Variants in GLE1 observed in about 807,000 individuals in gnomAD.
GLE1 encodes the protein GLE1 RNA export mediator.
Under a neutral mutation model 97.3 loss-of-function variants are expected in GLE1, and 78 were observed. The ratio of observed to expected loss-of-function variants is 0.80; its 90% CI spans 0.67 to 0.97. The LOEUF (loss-of-function observed/expected upper bound fraction) is 0.97, where lower values mean the gene tolerates loss of function less well. GLE1 is among the 50% of genes least tolerant of loss of function. The probability of loss-of-function intolerance (pLI) is 0.00; values close to 1 mark genes in which losing one functional copy is unlikely to be tolerated. For synonymous variants in GLE1, 302 were observed against 313.4 expected, an observed-to-expected ratio of 0.96 and a Z score of 0.39; for missense variants, 753 against 857.5, an observed-to-expected ratio of 0.88 and a Z score of 1.52.
chr9:128,525,480 A>G (rs1847276021), intron 7 of GLE1, 57 bp downstream of exon 7: 1 of 1,053,868 alleles, frequency 9.5e-7, no homozygotes, highest in Non-Finnish European at 1.4e-6. Context: ...GTGAAGAGAA[A>G]CAAGAGCATG....
At chr9:128,515,121 A>G (rs1295106021) in intron 2 of GLE1, among the ~76,000 whole-genome samples, 1 of 152,084 alleles carries the variant, frequency 6.6e-6, no homozygotes, top group Non-Finnish European at 1.5e-5. Context: ...ACCCGGCCTG[A>G]GGATAGAGTA....
chr9:128,523,180 A>G (rs1847202791), intron 4 of GLE1, 100 bp from the exon 5 acceptor site: 5 of 911,828 alleles, frequency 5.5e-6, no homozygotes, highest in Non-Finnish European at 9.2e-6. Flanking sequence ...GAAAAAGGGA[A>G]GGAAGGGAAG....
chr9:128,529,562 G>A (rs1486480332), intron 9 of GLE1, among the ~76,000 whole-genome samples: 1 of 152,050 alleles, frequency 6.6e-6, no homozygotes, highest in Admixed American at 6.5e-5. Context: ...TCTTCTAAGT[G>A]TTTGCTGATC....
intron 2 of GLE1, among the ~76,000 whole-genome samples, chr9:128,514,543 C>T (rs1846922713): frequency 6.6e-6 from 1 of 150,602 alleles, no homozygotes; most frequent in Non-Finnish European, 1.5e-5. Context: ...CCCAGGTTCA[C>T]GCCATTCTCC....
At chr9:128,518,894 G>C (rs540671006) in intron 3 of GLE1, among the ~76,000 whole-genome samples, 1 of 151,396 alleles carries the variant, frequency 6.6e-6, no homozygotes, top group African/African-American at 2.4e-5. Flanking sequence ...GCACTGTTGC[G>C]GGAAGTCAGG....
At chr9:128,517,965 C>T (rs978659163) in intron 3 of GLE1, among the ~76,000 whole-genome samples, 5 of 151,874 alleles carry the variant, frequency 3.3e-5, no homozygotes, top group East Asian at 3.9e-4. Context: ...ATAGAGATTC[C>T]TCAGTTATCT....
rs898995557 is a variant in GLE1 at position 128,541,884 on chromosome 9, T to TTTTTG, written c.*728_*732dup. The TTTTTG allele has an allele frequency of 1.3e-5, 2 of 152,210 alleles. No individual in the cohort carries two copies. The highest frequency in any genetic ancestry group is 4.8e-5 in the African/African-American group (2 of 41,440). The allele number at this position is 152,210 out of a possible 1,614,324, so 9.4% of individuals were successfully genotyped here. On this transcript the variant is annotated 3_prime_UTR_variant, in exon 16 of 16. Transcript: ENST00000309971. ...ATGAACCAGGCAGGTACCTTTTTTG[T>TTTTTG]TTTTGTTTTGTTTTGTTTCTTTTCT... is the stretch of plus-strand genomic sequence containing the variant.
intron 15 of GLE1, 29 bp from the exon 16 acceptor site, chr9:128,541,073 T>A: frequency 7.9e-7 from 1 of 1,273,310 alleles, no homozygotes. Context: ...CAGAAACTCA[T>A]TCTGTTTTCT....
intron 2 of GLE1, among the ~76,000 whole-genome samples, chr9:128,510,129 C>T (rs1450029321): frequency 6.6e-6 from 1 of 152,094 alleles, no homozygotes; most frequent in Non-Finnish European, 1.5e-5. Context: ...ATGAACATGG[C>T]TCACTGCAGC....
chr9:128,539,715 G>A lies in GLE1; in HGVS notation c.1964+17G>A, dbSNP rs141306765. 15 of 1,613,810 alleles carry A rather than the reference G, an allele frequency of 9.3e-6. 2 individuals are homozygous for A. The South Asian group carries it at 1.5e-4, about 17-fold the overall frequency. On this transcript the variant is annotated intron_variant, in intron 14 of 15. Coordinates refer to ENST00000309971, the MANE Select transcript of GLE1 (RefSeq NM_001003722.2). ...CTTTCCCAGGTATCAGGCTTGTTGAGCAGACAGCAGGGGATTAAGTAACTC... is the reference window on the plus strand; with the variant it reads ...CTTTCCCAGGTATCAGGCTTGTTGAACAGACAGCAGGGGATTAAGTAACTC...
At chr9:128,540,444 T>C in intron 15 of GLE1, 106 bp downstream of exon 15, 2 of 773,282 alleles carry the variant, frequency 2.6e-6, no homozygotes, top group Non-Finnish European at 4.7e-6. Flanking sequence ...CTCTCTTCCT[T>C]AGTTCTTCCA....
At chr9:128,513,718 A>G (rs913943025) in intron 2 of GLE1, among the ~76,000 whole-genome samples, 2 of 151,650 alleles carry the variant, frequency 1.3e-5, no homozygotes, top group Admixed American at 6.6e-5. Flanking sequence ...CAAAAAAAAA[A>G]AAAAGAAAAG....
intron 6 of GLE1, 76 bp downstream of exon 6, chr9:128,523,922 A>T: frequency 7.1e-7 from 1 of 1,401,328 alleles, no homozygotes; most frequent in Non-Finnish European, 1.0e-6. Flanking sequence ...TTTCTGACTT[A>T]AAAAGTAATA....
intron 7 of GLE1, 78 bp from the exon 8 acceptor site, chr9:128,527,101 T>C (rs1847321630): frequency 1.3e-6 from 1 of 783,422 alleles, no homozygotes; most frequent in African/African-American, 1.7e-5. Flanking sequence ...ATACATAAAG[T>C]GATTATAACA....
chr9:128,533,466 A>G (rs1409345075), intron 9 of GLE1, 47 bp from the exon 10 acceptor site: 2 of 1,176,414 alleles, frequency 1.7e-6, no homozygotes, highest in Non-Finnish European at 2.5e-6. Context: ...AAAGAAAAAG[A>G]GATTGATCTG....
At chr9:128,515,270 CA>C (rs1846948087) in intron 2 of GLE1, among the ~76,000 whole-genome samples, 1 of 152,042 alleles carries the variant, frequency 6.6e-6, no homozygotes, top group African/African-American at 2.4e-5. Context: ...CAGAGTAAAA[CA>C]AACAAGTCAA....
chr9:128,540,623 G>C, intron 15 of GLE1: 1 of 422,734 alleles, frequency 2.4e-6, no homozygotes, highest in South Asian at 2.7e-5. Context: ...TTTGCATGTT[G>C]GCCAAGGTTA....
At chr9:128,510,348 C>G (rs1206497972) in intron 2 of GLE1, among the ~76,000 whole-genome samples, 1 of 151,952 alleles carries the variant, frequency 6.6e-6, no homozygotes, top group African/African-American at 2.4e-5. Context: ...CCCACCTCAG[C>G]CTCCTGAGCG....
At chr9:128,534,580 G>A (rs1847635746) in intron 11 of GLE1, among the ~76,000 whole-genome samples, 1 of 151,792 alleles carries the variant, frequency 6.6e-6, no homozygotes, top group South Asian at 2.1e-4. Context: ...TTTAAATGAG[G>A]GTAATGACAT....
Sources: allele counts gnomAD v4.1 joint callset (sites outside exome capture counted in the v4.1 genomes callset), GRCh38; gene constraint gnomAD v4.1.1; transcripts MANE v1.5; gene names NCBI Gene and HGNC (gene_info 2026-07-23, HGNC 2026-07-21).